Variants in CERKL observed in about 807,000 individuals in gnomAD.
CERKL encodes ceramide kinase-like protein.
Under a neutral mutation model 63.4 loss-of-function variants are expected in CERKL, and 61 were observed. The ratio of observed to expected loss-of-function variants is 0.96; its 90% CI spans 0.78 to 1.19. CERKL has a LOEUF of 1.19. Among genes scored for constraint, CERKL ranks in the 50% most tolerant of loss-of-function variants. CERKL has a pLI of 0.00. For missense variants in CERKL, 675 were observed against 655.5 expected, an observed-to-expected ratio of 1.03 and a Z score of -0.33; for synonymous variants, 250 against 230.5, an observed-to-expected ratio of 1.08 and a Z score of -0.77.
chr2:181,589,819 G>GGTAT (rs36004440), intron 2 of CERKL, among the ~76,000 whole-genome samples: 1,911 of 152,060 alleles, frequency 0.013, 20 homozygotes, highest in Non-Finnish European at 0.02. Context: ...CTCCACAAAA[G>GGTAT]GTATGTATGT....
intron 2 of CERKL, among the ~76,000 whole-genome samples, chr2:181,585,452 G>C (rs981579237): frequency 6.6e-6 from 1 of 152,074 alleles, no homozygotes; most frequent in African/African-American, 2.4e-5. Flanking sequence ...ATTTTATAAA[G>C]GAAGTCTAAA....
intron 5 of CERKL, among the ~76,000 whole-genome samples, chr2:181,557,956 A>G (rs1688281577): frequency 1.3e-5 from 2 of 152,164 alleles, no homozygotes; most frequent in Non-Finnish European, 2.9e-5. Context: ...CTTTACATGC[A>G]TTCACTTAAT....
intron 1 of CERKL, among the ~76,000 whole-genome samples, chr2:181,618,024 G>C (rs1686276954): frequency 1.3e-5 from 2 of 152,142 alleles, no homozygotes; most frequent in East Asian, 3.9e-4. Context: ...AAAAAACTCA[G>C]AAAGTCAAAT....
At chr2:181,561,726 T>G (rs964812869) in intron 4 of CERKL, among the ~76,000 whole-genome samples, 1 of 152,200 alleles carries the variant, frequency 6.6e-6, no homozygotes, top group African/African-American at 2.4e-5. Context: ...CTATTCTCTC[T>G]GAAGCCTGAT....
chr2:181,657,018 A>T lies in CERKL; in HGVS notation c.-12T>A. The stretch of plus-strand genomic sequence containing the variant: ...CTCCTCCAGGGCATGGCGGAGTCGC[A>T]GGCTGGGCCCGAGCCAGGGGTCCGG... On this transcript the variant is annotated 5_prime_UTR_variant, in exon 1 of 13. Coordinates refer to ENST00000410087, the MANE Select transcript of CERKL (RefSeq NM_201548.5). The T allele has an allele frequency of 1.3e-6, 2 of 1,572,096 alleles. No homozygotes were observed. Among genetic ancestry groups the T allele is most frequent in the Middle Eastern group, 2.1e-4 (1 of 4,858 alleles).
chr2:181,649,160 A>C (rs149929645), intron 1 of CERKL, among the ~76,000 whole-genome samples: 2 of 152,332 alleles, frequency 1.3e-5, no homozygotes, highest in African/African-American at 4.8e-5. Context: ...TGCTGCCTAA[A>C]AGAGGCTTAC....
chr2:181,656,885 G>A lies in CERKL; in HGVS notation c.122C>T (p.Ala41Val), dbSNP rs772005753. ...CCGGAGCAGAATCCGCTCGGCCGCC[G>A]CCTCCGTCTGCTGCGGGGACGTTAA... ...ALLTSPQQTE[A>V]AAERILLRGI... The change falls in exon 1 of 13, where the codon GCG becomes GTG. Residue 41 changes from alanine to valine, a missense_variant. Ala to Val is a moderately conservative substitution (Grantham distance 64). Coordinates refer to ENST00000410087, the MANE Select transcript of CERKL (RefSeq NM_201548.5). 6.9e-6 allele frequency: 11 copies of A among 1,605,000 alleles called. No homozygotes were observed. The highest frequency in any genetic ancestry group is 1.1e-5 in the South Asian group (1 of 90,588).
intron 1 of CERKL, among the ~76,000 whole-genome samples, chr2:181,639,669 G>A (rs893833999): frequency 2.0e-5 from 3 of 152,230 alleles, no homozygotes; most frequent in Admixed American, 2.0e-4. Flanking sequence ...GCTTAACTGG[G>A]GAAGCAACAT....
chr2:181,646,974 A>G (rs934680136), intron 1 of CERKL, among the ~76,000 whole-genome samples: 4 of 152,236 alleles, frequency 2.6e-5, no homozygotes, highest in Admixed American at 6.5e-5. Context: ...GCAGCTAAAG[A>G]GAAAAGCTTG....
chr2:181,575,984 T>C (rs996747478), intron 2 of CERKL, among the ~76,000 whole-genome samples: 1 of 152,154 alleles, frequency 6.6e-6, no homozygotes, highest in Non-Finnish European at 1.5e-5. Context: ...TTACTCTATG[T>C]TCCTCTATTA....
Position 181,637,735 on chromosome 2 carries a change from C to G in CERKL, c.238+19034G>C, listed in dbSNP as rs754602899. 1.1e-3 allele frequency among the ~76,000 whole-genome samples: 163 copies of G among 152,062 alleles called. 2 individuals carry two copies. The highest frequency in any genetic ancestry group is 1.8e-3 in the Non-Finnish European group (125 of 67,952). On this transcript the variant is annotated intron_variant, in intron 1 of 12. Transcript: ENST00000410087. ...TGATTTTGGAACCATATAAGTATTT[C>G]ACGTAATTATAAAATTGATTTTTAA...
At chr2:181,601,660 A>G (rs1389136952) in intron 2 of CERKL, among the ~76,000 whole-genome samples, 1 of 152,240 alleles carries the variant, frequency 6.6e-6, no homozygotes, top group Admixed American at 6.5e-5. Flanking sequence ...TCTGATGAAG[A>G]TAGCCAAGAA....
intron 5 of CERKL, among the ~76,000 whole-genome samples, chr2:181,552,123 T>G (rs1688012996): frequency 6.6e-6 from 1 of 151,852 alleles, no homozygotes; most frequent in African/African-American, 2.4e-5. Context: ...AAGCGAAGAG[T>G]AAAATAGTGG....
intron 1 of CERKL, among the ~76,000 whole-genome samples, chr2:181,606,510 GGGGGGAGGAGAGGGTAGGGGAGAGGA>G (rs1685717135): frequency 3.3e-5 from 1 of 29,940 alleles, no homozygotes; most frequent in Non-Finnish European, 7.6e-5. Flanking sequence ...GGGGAGGGGA[GGGGGGAGGAGAGGGTAGGGGAGAGGA>G]GGGGGAGGGG....
At chr2:181,652,007 A>G (rs186348539) in intron 1 of CERKL, among the ~76,000 whole-genome samples, 6 of 152,204 alleles carry the variant, frequency 3.9e-5, no homozygotes, top group Non-Finnish European at 8.8e-5. Flanking sequence ...TTATCTTCCC[A>G]CATCAATAAA....
rs1685556757 is a variant in CERKL, at chr2:181,603,820, C to T, written c.481+17G>A. The T allele has an allele frequency of 6.2e-7, 1 of 1,612,370 alleles. No individual in the cohort carries two copies. Among genetic ancestry groups the T allele is most frequent in the Non-Finnish European group, 8.5e-7 (1 of 1,179,018 alleles). On this transcript the variant is annotated intron_variant, in intron 2 of 12. Transcript: ENST00000410087. ...AGGAAACTGGGCTGATTAAAATTTC[C>T]CATGAGGAGTACTTACCTGCCAATA... is the stretch of plus-strand genomic sequence containing the variant.
intron 1 of CERKL, among the ~76,000 whole-genome samples, chr2:181,655,810 T>C (rs1688128031): frequency 6.6e-6 from 1 of 152,222 alleles, no homozygotes; most frequent in Non-Finnish European, 1.5e-5. Flanking sequence ...CTCCCCCAAG[T>C]CATCTCCTCG....
chr2:181,587,958 T>C (rs998994558), intron 2 of CERKL, among the ~76,000 whole-genome samples: 4 of 152,162 alleles, frequency 2.6e-5, no homozygotes, highest in African/African-American at 7.2e-5. Context: ...GTGTACTATA[T>C]GTTGAAGACC....
At chr2:181,616,017 A>G (rs2105911124) in intron 1 of CERKL, among the ~76,000 whole-genome samples, 1 of 152,228 alleles carries the variant, frequency 6.6e-6, no homozygotes, top group Admixed American at 6.5e-5. Flanking sequence ...TTACAGTCCA[A>G]TCGCAAATGT....
Sources: gnomAD v4.1 joint callset for allele counts (sites outside exome capture counted in the v4.1 genomes callset) on GRCh38, gnomAD v4.1.1 for gene constraint, MANE v1.5 for transcripts, NCBI Gene and HGNC (gene_info 2026-07-23, HGNC 2026-07-21) for gene names.